USP44: variants seen among roughly 807,000 people sequenced by gnomAD.
USP44 encodes the protein ubiquitin carboxyl-terminal hydrolase 44.
A neutral mutation model predicts 69.0 loss-of-function variants in USP44; 61 were observed. The observed-to-expected ratio is 0.88, with a 90% CI of 0.72 to 1.09. USP44 has a LOEUF of 1.09. Ranked by LOEUF, USP44 falls within the 50% of genes least tolerant of loss-of-function variation. USP44 has a pLI of 0.00. For missense variants in USP44, 753 were observed against 849.9 expected (o/e 0.89, Z 1.42); for synonymous variants, 297 against 295.4 (o/e 1.01, Z -0.06).
At position 95,534,029 on chromosome 12, in the gene USP44, G is replaced by A. The variant is rs1431117464; in HGVS notation, c.228C>T (p.Tyr76=). The part of the protein sequence containing the change: ...HPVALEVNEM[Y]VFCYLCDDYV... Reference sequence around the variant, plus strand: ...AATCATCACAAAGGTAACAAAAAACGTACATCTCATTCACCTCCAATGCAA... The same window carrying A: ...AATCATCACAAAGGTAACAAAAAACATACATCTCATTCACCTCCAATGCAA... Residue 76 remains tyrosine (Y), a synonymous_variant, in exon 2 of 6, where the codon TAC becomes TAT. Transcript: ENST00000258499. 13 of 1,614,148 alleles carry A rather than the reference G, an allele frequency of 8.1e-6. No individual in the cohort carries two copies. Among genetic ancestry groups the A allele is most frequent in the South Asian group, 3.3e-5 (3 of 91,078 alleles).
intron 5 of USP44, among the ~76,000 whole-genome samples, chr12:95,519,678 C>T (rs1338502969): frequency 1.3e-5 from 2 of 150,562 alleles, no homozygotes; most frequent in Non-Finnish European, 3.0e-5. Context: ...GTGATCCACC[C>T]GCCTCGGCCT....
intron 2 of USP44, among the ~76,000 whole-genome samples, chr12:95,532,001 A>C (rs1253276493): frequency 6.6e-6 from 1 of 152,150 alleles, no homozygotes; most frequent in African/African-American, 2.4e-5. Flanking sequence ...AAGGAAAATC[A>C]TATAAGATTA....
At chr12:95,543,103 A>G (rs1267616762) in intron 1 of USP44, among the ~76,000 whole-genome samples, 1 of 149,166 alleles carries the variant, frequency 6.7e-6, no homozygotes, top group Admixed American at 6.7e-5. Context: ...AAAAAAAGAA[A>G]GAAAATAGTA....
chr12:95,520,128 T>C (rs2076611684), intron 5 of USP44, among the ~76,000 whole-genome samples: 1 of 150,766 alleles, frequency 6.6e-6, no homozygotes, highest in Non-Finnish European at 1.5e-5. Context: ...CACCTCTCTT[T>C]TTCTGTTTGG....
rs1392371271 is a variant in USP44, at chr12:95,517,263, A to G, written c.*891T>C. 1 of 152,068 alleles carries G rather than the reference A, an allele frequency of 6.6e-6. No homozygotes were observed. 9.4% of individuals were successfully genotyped at this position (152,068 alleles called of 1,614,324 possible). ...TGAACACTTATCTTTTCTGCCCTAT[A>G]ATTTTTTCTCTTCAAGACTCTATTC... On this transcript the variant is annotated 3_prime_UTR_variant, in exon 6 of 6. Transcript: ENST00000258499.
Position 95,528,472 on chromosome 12 carries a change from AAAGC to A in USP44, c.1624+331_1624+334del, listed in dbSNP as rs539582360. Among the ~76,000 whole-genome samples the A allele has an allele frequency of 2.9e-3, 439 of 152,322 alleles. 2 individuals are homozygous for A. Among genetic ancestry groups the A allele is most frequent in the African/African-American group, 9.9e-3 (410 of 41,580 alleles). On this transcript the variant is annotated intron_variant, in intron 3 of 5. Transcript: ENST00000258499. Reference sequence around the variant, plus strand: ...TTGATATGTAGCCAAAAAAGCTCATAAAGCAAGTGTTTCATTCATGCTACATGAC... The same window carrying A: ...TTGATATGTAGCCAAAAAAGCTCATAAAGTGTTTCATTCATGCTACATGAC...
At chr12:95,518,666 A>G (rs756838604) in intron 5 of USP44, among the ~76,000 whole-genome samples, 1 of 152,178 alleles carries the variant, frequency 6.6e-6, no homozygotes, top group Non-Finnish European at 1.5e-5. Context: ...CTGGCCAGGC[A>G]TGGTGGCTCA....
At chr12:95,524,618 T>C in intron 4 of USP44, 62 bp downstream of exon 4, 1 of 1,283,080 alleles carries the variant, frequency 7.8e-7, no homozygotes, top group Non-Finnish European at 1.1e-6. Context: ...CATGCATTCT[T>C]TAAGTTTTGA....
chr12:95,532,999 C>T lies in USP44; in HGVS notation c.1258G>A (p.Ala420Thr), dbSNP rs201091367. The stretch of plus-strand genomic sequence containing the variant: ...AGAAATTCCTGAGCGTCTTGTTGGG[C>T]GTAACCACGAAAGGCAGGAATGAGT... Reference protein sequence around the residue: ...WRLIPAFRGYAQQDAQEFLCE... With the variant: ...WRLIPAFRGYTQQDAQEFLCE... Residue 420 changes from alanine to threonine, a missense_variant, in exon 2 of 6, where the codon GCC becomes ACC. By Grantham distance (58) the Ala-to-Thr change is moderately conservative. Transcript: ENST00000258499. 51 of 1,614,124 alleles carry T rather than the reference C, an allele frequency of 3.2e-5. No homozygotes were observed. In the East Asian group the frequency reaches 9.4e-4, roughly 30 times the overall value.
At chr12:95,536,319 A>C (rs770553661) in intron 1 of USP44, among the ~76,000 whole-genome samples, 26 of 152,074 alleles carry the variant, frequency 1.7e-4, no homozygotes, top group Non-Finnish European at 2.9e-4. Context: ...CTAGGATTAC[A>C]AGCGTGAGCC....
chr12:95,537,003 AG>A (rs2077227650), intron 1 of USP44, among the ~76,000 whole-genome samples: 1 of 152,206 alleles, frequency 6.6e-6, no homozygotes, highest in African/African-American at 2.4e-5. Context: ...AAATCTGTAG[AG>A]GAGAATGATA....
chr12:95,539,613 A>G (rs749892004), intron 1 of USP44, among the ~76,000 whole-genome samples: 3 of 152,176 alleles, frequency 2.0e-5, no homozygotes, highest in Non-Finnish European at 4.4e-5. Flanking sequence ...CTTTTTTGTC[A>G]TTCTTCAGTG....
rs779328819 is a variant in USP44 at position 95,533,462 on chromosome 12, CCTT to C, written c.792_794del (p.Arg265del). On this transcript the variant is annotated inframe_deletion, in exon 2 of 6. Transcript: ENST00000258499. ...CTGTTACACCAGGAGTTACTATTGGCCTTCGTTTAACTGAGGAGTCACTGACTT... is the reference window on the plus strand; with the variant it reads ...CTGTTACACCAGGAGTTACTATTGGCCGTTTAACTGAGGAGTCACTGACTT... 2.4e-5 allele frequency: 38 copies of C among 1,614,036 alleles called. No individual in the cohort carries two copies. Among genetic ancestry groups the C allele is most frequent in the Non-Finnish European group, 3.0e-5 (35 of 1,180,038 alleles).
intron 1 of USP44, among the ~76,000 whole-genome samples, chr12:95,537,248 T>A (rs2077235147): frequency 6.6e-6 from 1 of 152,210 alleles, no homozygotes; most frequent in Non-Finnish European, 1.5e-5. Context: ...TACCTTTTAT[T>A]CAAAATGATA....
intron 1 of USP44, among the ~76,000 whole-genome samples, chr12:95,539,093 A>G (rs554793744): frequency 1.1e-4 from 17 of 152,340 alleles, no homozygotes; most frequent in African/African-American, 2.9e-4. Context: ...TGAAATCTAT[A>G]AGGATTAAAA....
intron 4 of USP44, among the ~76,000 whole-genome samples, chr12:95,523,082 G>T (rs1352369011): frequency 6.6e-6 from 1 of 152,092 alleles, no homozygotes; most frequent in Non-Finnish European, 1.5e-5. Context: ...CCCCAGGGAG[G>T]GTGTGGAACC....
intron 1 of USP44, among the ~76,000 whole-genome samples, chr12:95,535,990 C>T (rs1176245023): frequency 6.6e-6 from 1 of 151,164 alleles, no homozygotes; most frequent in Non-Finnish European, 1.5e-5. Context: ...AGGTACTGAC[C>T]AGTCCCAAAT....
chr12:95,524,345 G>C (rs1460217183), intron 4 of USP44, among the ~76,000 whole-genome samples: 3 of 150,082 alleles, frequency 2.0e-5, no homozygotes, highest in Non-Finnish European at 3.0e-5. Context: ...GCCTCCCAAA[G>C]TGCTGGGATT....
chr12:95,548,810 C>A lies in USP44; in HGVS notation c.-71+2462G>T, dbSNP rs190515164. 9,480 of 151,988 alleles carry A rather than the reference C, an allele frequency of 0.062. 426 individuals are homozygous for A. The highest frequency in any genetic ancestry group is 0.097 in the Non-Finnish European group (6,606 of 67,970). The allele number at this position is 151,988 out of a possible 1,614,324, so 9.4% of individuals were successfully genotyped here. A position where few individuals can be genotyped will look rare whatever the true frequency, so the allele number is the denominator to read the frequency against. On this transcript the variant is annotated intron_variant, in intron 1 of 5. Coordinates refer to ENST00000258499, the MANE Select transcript of USP44 (RefSeq NM_032147.5). This position sits in a 1 kb window ranked among gnomAD's most constrained non-coding sequence, Gnocchi z 4.1. ...GCGGCCATCTTAGCGCTCACCCCGG[C>A]CCCCCGCCCCCCGGTTCGGCGGCCG...
Sources: gnomAD v4.1 joint callset for allele counts (sites outside exome capture counted in the v4.1 genomes callset) on GRCh38, gnomAD v4.1.1 for gene constraint, Gnocchi (gnomAD v3.1) non-coding constraint, MANE v1.5 for transcripts, NCBI Gene and HGNC (gene_info 2026-07-23, HGNC 2026-07-21) for gene names.